The following RIN3 variants were observed in gnomAD, a reference collection of about 807,000 sequenced individuals.
RIN3 encodes the protein RAB5 interacting protein 3.
RIN3 carries 54 observed loss-of-function variants against 76.3 expected under a neutral mutation model. The ratio of observed to expected loss-of-function variants is 0.71; its 90% CI spans 0.57 to 0.89. The LOEUF (loss-of-function observed/expected upper bound fraction) is 0.89, where lower values mean the gene tolerates loss of function less well. Among genes scored for constraint, RIN3 ranks in the 40% least tolerant of loss-of-function variants. The pLI is 0.00. For synonymous variants in RIN3, 576 were observed against 564.0 expected (o/e 1.02, Z -0.30); for missense variants, 1,256 against 1,322.1 (o/e 0.95, Z 0.78).
chr14:92,576,101 A>T, intron 2 of RIN3: 1 of 629,386 alleles, frequency 1.6e-6, no homozygotes, highest in Non-Finnish European at 2.3e-6. Flanking sequence ...ACATGGACCA[A>T]GTCCTTCCCC....
chr14:92,538,857 C>A (rs1279331769), intron 1 of RIN3, among the ~76,000 whole-genome samples: 1 of 152,062 alleles, frequency 6.6e-6, no homozygotes, highest in African/African-American at 2.4e-5. Context: ...CCAGCTCTGC[C>A]ACTTGCTAAT....
At chr14:92,683,429 T>G (rs1888737802) in intron 8 of RIN3, among the ~76,000 whole-genome samples, 1 of 152,212 alleles carries the variant, frequency 6.6e-6, no homozygotes, top group South Asian at 2.1e-4. Flanking sequence ...TTCTCAAACC[T>G]TTTAACCAAA....
chr14:92,653,261 C>G lies in RIN3; in HGVS notation c.2026+186C>G, dbSNP rs376457816. On this transcript the variant is annotated intron_variant, in intron 6 of 9. Coordinates refer to ENST00000216487, the MANE Select transcript of RIN3 (RefSeq NM_024832.5). ...GCTGCTAATGGTGCCCGGCTCCCCC[C>G]CTTCCCTAGAGAATTGACCTTGACT... 1.6e-4 allele frequency among the ~76,000 whole-genome samples: 24 copies of G among 152,314 alleles called. 1 individual carries two copies. The highest frequency in any genetic ancestry group is 3.9e-4 in the East Asian group (2 of 5,178).
At chr14:92,520,379 AG>A (rs1255680433) in intron 1 of RIN3, among the ~76,000 whole-genome samples, 2 of 152,090 alleles carry the variant, frequency 1.3e-5, no homozygotes, top group African/African-American at 2.4e-5. Flanking sequence ...GGGGGGTGGG[AG>A]TGGGGCCTTT....
intron 3 of RIN3, among the ~76,000 whole-genome samples, chr14:92,582,461 T>TC (rs71123363): frequency 0.058 from 7,886 of 137,108 alleles, 338 homozygotes; most frequent in Admixed American, 0.097. Flanking sequence ...TTTTTTTTTT[T>TC]CCCTGAGATG....
At chr14:92,639,879 CCTGA>C (rs1300426679) in intron 4 of RIN3, among the ~76,000 whole-genome samples, 64 of 149,448 alleles carry the variant, frequency 4.3e-4, no homozygotes, top group African/African-American at 1.6e-3. Context: ...CTGGGAGATG[CCTGA>C]CTGTGTGCTC....
intron 1 of RIN3, among the ~76,000 whole-genome samples, chr14:92,519,679 C>T (rs1351691893): frequency 1.3e-5 from 2 of 152,206 alleles, no homozygotes; most frequent in East Asian, 1.9e-4. Context: ...GTCTCCCTGC[C>T]CAGGGCTGCC....
In RIN3 at chr14:92,568,135, G is replaced by A. The variant is rs543072205; in HGVS notation, c.250-9225G>A. On this transcript the variant is annotated intron_variant, in intron 2 of 9. Transcript: ENST00000216487. The surrounding 1 kb of genome is among the most constrained non-coding windows in gnomAD (Gnocchi z 4.2). ...TGTGTCTCTAAATAGCTGGCTGCAG[G>A]GGGGCAGAAAGGGAGAAGTAAGGTG... Among the ~76,000 whole-genome samples, 5 of 152,130 alleles carry A rather than the reference G, an allele frequency of 3.3e-5. No individual in the cohort carries two copies. The highest frequency in any genetic ancestry group is 6.5e-5 in the Admixed American group (1 of 15,278).
chr14:92,597,731 C>T, intron 3 of RIN3, among the ~76,000 whole-genome samples: 1 of 152,062 alleles, frequency 6.6e-6, no homozygotes, highest in South Asian at 2.1e-4. Flanking sequence ...CAGCTGGATC[C>T]CTAGTTTGCA....
intron 1 of RIN3, among the ~76,000 whole-genome samples, chr14:92,534,923 A>G (rs1896962032): frequency 1.3e-5 from 2 of 152,190 alleles, no homozygotes; most frequent in African/African-American, 4.8e-5. Flanking sequence ...GTGTACAGAA[A>G]AGTGCAAAGA....
intron 6 of RIN3, among the ~76,000 whole-genome samples, chr14:92,653,775 T>C (rs1363170885): frequency 6.6e-6 from 1 of 152,214 alleles, no homozygotes; most frequent in Non-Finnish European, 1.5e-5. Flanking sequence ...CCCAGCACTC[T>C]GGGAGGCCAA....
intron 2 of RIN3, 43 bp downstream of exon 2, chr14:92,555,998 G>T: frequency 6.4e-7 from 1 of 1,557,858 alleles, no homozygotes; most frequent in Non-Finnish European, 8.8e-7. Flanking sequence ...ACACACCTGT[G>T]AGGAACTCAG....
At position 92,688,543 on chromosome 14, in the gene RIN3, G is replaced by A. The variant is rs959186851; in HGVS notation, c.*291G>A. 12 of 473,938 alleles carry A rather than the reference G, an allele frequency of 2.5e-5. No homozygotes were observed. Among genetic ancestry groups the A allele is most frequent in the African/African-American group, 4.1e-5 (2 of 49,188 alleles). 29.4% of individuals were successfully genotyped at this position (473,938 alleles called of 1,614,324 possible). A position where few individuals can be genotyped will look rare whatever the true frequency, so the allele number is the denominator to read the frequency against. ...TCCAGGCCGCTGCAGCCAACAAACC[G>A]GCGCCCTCTTCACACGTAGCTCCTC... On this transcript the variant is annotated 3_prime_UTR_variant, in exon 10 of 10. Transcript: ENST00000216487.
intron 3 of RIN3, among the ~76,000 whole-genome samples, chr14:92,595,158 G>T (rs543704851): frequency 5.9e-5 from 9 of 152,208 alleles, no homozygotes; most frequent in Non-Finnish European, 1.2e-4. Context: ...AGTCAAGGAG[G>T]CAGAGTTGTC....
intron 1 of RIN3, among the ~76,000 whole-genome samples, chr14:92,516,333 G>A (rs184694718): frequency 5.5e-4 from 83 of 152,242 alleles, no homozygotes; most frequent in African/African-American, 1.8e-3. Context: ...CTAATACAGG[G>A]GTCCTGCTGG....
At chr14:92,594,432 C>CAAAAAAAAAAA (rs35874661) in intron 3 of RIN3, among the ~76,000 whole-genome samples, 1 of 130,556 alleles carries the variant, frequency 7.7e-6, no homozygotes, top group Non-Finnish European at 1.6e-5. Context: ...AACTCTGTCT[C>CAAAAAAAAAAA]AAAAAAAAAA....
intron 4 of RIN3, among the ~76,000 whole-genome samples, chr14:92,628,084 G>GT (rs1886423691): frequency 6.6e-6 from 1 of 152,150 alleles, no homozygotes; most frequent in Non-Finnish European, 1.5e-5. Context: ...GAGGGTGGGC[G>GT]TTTGACAGGG....
chr14:92,564,182 A>G (rs753798685), intron 2 of RIN3, among the ~76,000 whole-genome samples: 1 of 152,274 alleles, frequency 6.6e-6, no homozygotes, highest in African/African-American at 2.4e-5. Flanking sequence ...TAGTAAAAAC[A>G]AAACCCCTTA....
intron 3 of RIN3, among the ~76,000 whole-genome samples, chr14:92,582,548 G>A (rs1176448247): frequency 6.6e-6 from 1 of 150,844 alleles, no homozygotes; most frequent in Non-Finnish European, 1.5e-5. Context: ...TGCCTCCCGA[G>A]TTCAAGCAAG....
Sources: gnomAD v4.1 joint callset for allele counts (sites outside exome capture counted in the v4.1 genomes callset) on GRCh38, gnomAD v4.1.1 for gene constraint, Gnocchi (gnomAD v3.1) non-coding constraint, MANE v1.5 for transcripts, NCBI Gene and HGNC (gene_info 2026-07-23, HGNC 2026-07-21) for gene names.